NOD1: variants seen among roughly 807,000 people sequenced by gnomAD.
NOD1 encodes nucleotide-binding oligomerization domain-containing protein 1.
In NOD1, 70 loss-of-function variants were observed where a neutral mutation model predicts 81.2. The ratio of observed to expected loss-of-function variants is 0.86; its 90% CI spans 0.71 to 1.05. The LOEUF is 1.05. Ranked by LOEUF, NOD1 falls within the 50% of genes least tolerant of loss-of-function variation. NOD1 has a pLI of 0.00. For synonymous variants in NOD1, 508 were observed against 526.9 expected (o/e 0.96, Z 0.49); for missense variants, 1,233 against 1,228.0 (o/e 1.00, Z -0.06).
rs911809448 is a variant in NOD1 at position 30,467,675 on chromosome 7, GT to G, written c.-351-7635del. Among the ~76,000 whole-genome samples, 11 of 152,108 alleles carry G rather than the reference GT, an allele frequency of 7.2e-5. No homozygotes were observed. Among genetic ancestry groups the G allele is most frequent in the Admixed American group, 5.2e-4 (8 of 15,284 alleles). On this transcript the variant is annotated intron_variant, in intron 1 of 13. Transcript: ENST00000222823. This position sits in a 1 kb window ranked among gnomAD's most constrained non-coding sequence, Gnocchi z 4.5. ...TCTGATGGGATTGTGGGTGGGAACA[GT>G]TTTTTTTGTTGTTGTTGTTATTTTT... is the stretch of plus-strand genomic sequence containing the variant.
At chr7:30,455,411 G>C (rs557004761) in intron 4 of NOD1, 100 bp from the exon 5 acceptor site, 1 of 857,300 alleles carries the variant, frequency 1.2e-6, no homozygotes, top group Non-Finnish European at 1.8e-6. Context: ...TGAGTTCTTA[G>C]TACAGCCGGT....
intron 8 of NOD1, 122 bp from the exon 9 acceptor site, chr7:30,446,346 G>A (rs1208296066): frequency 3.9e-6 from 3 of 769,508 alleles, no homozygotes; most frequent in Non-Finnish European, 6.8e-6. Flanking sequence ...TTTCTTCTGG[G>A]ATCCACAAGA....
intron 13 of NOD1, 119 bp from the exon 14 acceptor site, chr7:30,425,829 G>T: frequency 1.3e-6 from 1 of 752,314 alleles, no homozygotes; most frequent in Non-Finnish European, 2.4e-6. Flanking sequence ...ATGTATCCCT[G>T]AAATTAAGGA....
chr7:30,451,111 A>G lies in NOD1; in HGVS notation c.2201+105T>C. The G allele has an allele frequency of 7.6e-7, 1 of 1,314,178 alleles. No individual in the cohort carries two copies. The highest frequency in any genetic ancestry group is 1.0e-6 in the Non-Finnish European group (1 of 970,550). 81.4% of individuals were successfully genotyped at this position (1,314,178 alleles called of 1,614,324 possible). On this transcript the variant is annotated intron_variant, in intron 6 of 13. Transcript: ENST00000222823. The surrounding 1 kb of genome is among the most constrained non-coding windows in gnomAD (Gnocchi z 4.2). Reference sequence around the variant, plus strand: ...AAAAGGTCTGGACATTCCAAGGGCCATGGTCATGAGTCCTGGGGGATCCTG... The same window carrying G: ...AAAAGGTCTGGACATTCCAAGGGCCGTGGTCATGAGTCCTGGGGGATCCTG...
At chr7:30,439,409 C>T (rs1159324289) in intron 9 of NOD1, among the ~76,000 whole-genome samples, 3 of 139,996 alleles carry the variant, frequency 2.1e-5, no homozygotes, top group East Asian at 2.1e-4. Context: ...GCACCGTGCG[C>T]GAGCCGAAGC....
At chr7:30,471,613 C>T (rs1788284172) in intron 1 of NOD1, among the ~76,000 whole-genome samples, 1 of 152,238 alleles carries the variant, frequency 6.6e-6, no homozygotes, top group Non-Finnish European at 1.5e-5. Flanking sequence ...GCTGGGAAGG[C>T]ACCCTCTTTG....
At chr7:30,446,426 AG>A in intron 8 of NOD1, 1 of 580,600 alleles carries the variant, frequency 1.7e-6, no homozygotes. Context: ...GTTCCTCTCC[AG>A]GAGATGGTCC....
At chr7:30,453,921 C>T (rs1320459210) in intron 5 of NOD1, among the ~76,000 whole-genome samples, 2 of 152,332 alleles carry the variant, frequency 1.3e-5, no homozygotes, top group Admixed American at 1.3e-4. Flanking sequence ...TGTGAGACTG[C>T]TTGTAGAGTG....
Position 30,452,231 on chromosome 7 carries a change from T to A in NOD1, c.1186A>T (p.Ile396Phe). The A allele has an allele frequency of 6.2e-7, 1 of 1,613,742 alleles. No individual in the cohort carries two copies. Among genetic ancestry groups the A allele is most frequent in the South Asian group, 1.1e-5 (1 of 91,082 alleles). The change falls in exon 6 of 14, where the codon ATC becomes TTC. Residue 396 changes from isoleucine (I) to phenylalanine (F), a missense_variant. Coordinates refer to ENST00000222823, the MANE Select transcript of NOD1 (RefSeq NM_006092.4). ...SLCSVPLFCW[I>F]IFRCFQHFRA... Reference sequence around the variant, plus strand: ...AAGTGCTGGAAGCACCGGAAGATGATCCAGCAGAAGAGGGGCACAGAGCAC... The same window carrying A: ...AAGTGCTGGAAGCACCGGAAGATGAACCAGCAGAAGAGGGGCACAGAGCAC...
At chr7:30,468,165 A>T (rs970633588) in intron 1 of NOD1, among the ~76,000 whole-genome samples, 2 of 152,230 alleles carry the variant, frequency 1.3e-5, no homozygotes, top group Non-Finnish European at 2.9e-5. Context: ...AAAATCCCAG[A>T]GCCACAAGAA....
chr7:30,431,755 C>T lies in NOD1; in HGVS notation c.2705+1341G>A, dbSNP rs188384694. Reference sequence around the variant, plus strand: ...TTAGGCAATCATTTCTTAGATAAGACACTGAAAGCACAAGCAACCAAAGAA... The same window carrying T: ...TTAGGCAATCATTTCTTAGATAAGATACTGAAAGCACAAGCAACCAAAGAA... On this transcript the variant is annotated intron_variant, in intron 12 of 13. Transcript: ENST00000222823. 3.0e-3 allele frequency among the ~76,000 whole-genome samples: 463 copies of T among 152,188 alleles called. 3 individuals carry two copies. The highest frequency in any genetic ancestry group is 0.011 in the African/African-American group (442 of 41,518).
At position 30,429,238 on chromosome 7, in the gene NOD1, A is replaced by T. The variant is rs570164606; in HGVS notation, c.2789+136T>A. ...TCTGGGCCTCTGTCTACCTCTGTAAAACAGAGGTAATACCATTACTGTGCA... is the reference window on the plus strand; with the variant it reads ...TCTGGGCCTCTGTCTACCTCTGTAATACAGAGGTAATACCATTACTGTGCA... On this transcript the variant is annotated intron_variant, in intron 13 of 13. Coordinates refer to ENST00000222823, the MANE Select transcript of NOD1 (RefSeq NM_006092.4). 8.8e-5 allele frequency: 68 copies of T among 770,450 alleles called. No homozygotes were observed. In the African/African-American group the frequency reaches 9.8e-4, roughly 11 times the overall value. The allele number at this position is 770,450 out of a possible 1,614,324, so 47.7% of individuals were successfully genotyped here.
intron 12 of NOD1, among the ~76,000 whole-genome samples, chr7:30,431,253 G>A (rs10267377): frequency 1.3e-5 from 2 of 152,134 alleles, no homozygotes; most frequent in East Asian, 3.9e-4. Flanking sequence ...GGCTAAAAAG[G>A]AAAGAAAAAA....
In NOD1 at chr7:30,437,562, G is replaced by C. The variant is rs752814478; in HGVS notation, c.2537+11C>G. 6.7e-6 allele frequency: 10 copies of C among 1,493,902 alleles called. No homozygotes were observed. The highest frequency in any genetic ancestry group is 2.0e-4 in the Middle Eastern group (1 of 5,030). The allele number at this position is 1,493,902 out of a possible 1,614,324, so 92.5% of individuals were successfully genotyped here. On this transcript the variant is annotated intron_variant, in intron 10 of 13. Coordinates refer to ENST00000222823, the MANE Select transcript of NOD1 (RefSeq NM_006092.4). Reference sequence around the variant, plus strand: ...CAGGTTGGCCCCTGGAGACAGCAGGGCCACAGTTACCTCAGGGTGGTCAAG... The same window carrying C: ...CAGGTTGGCCCCTGGAGACAGCAGGCCCACAGTTACCTCAGGGTGGTCAAG...
intron 1 of NOD1, among the ~76,000 whole-genome samples, chr7:30,465,220 C>T (rs764356980): frequency 2.6e-5 from 4 of 152,210 alleles, no homozygotes; most frequent in Non-Finnish European, 4.4e-5. Flanking sequence ...CCAGTTAGAG[C>T]TCCTCTCTCA....
At chr7:30,458,608 T>A (rs541616402) in intron 3 of NOD1, among the ~76,000 whole-genome samples, 1 of 151,942 alleles carries the variant, frequency 6.6e-6, no homozygotes, top group Admixed American at 6.6e-5. Context: ...ATCCAAATGA[T>A]AGAGCAGGAA....
rs554070905 is a variant in NOD1, at chr7:30,471,516, C to T, written c.-352+7090G>A. On this transcript the variant is annotated intron_variant, in intron 1 of 13. Transcript: ENST00000222823. ...GGAGGCTTTTCCTGTGACCTGAAAACACCCAATAAAGAATTTTGTTTTTAC... is the reference window on the plus strand; with the variant it reads ...GGAGGCTTTTCCTGTGACCTGAAAATACCCAATAAAGAATTTTGTTTTTAC... Among the ~76,000 whole-genome samples, 100 of 152,356 alleles carry T rather than the reference C, an allele frequency of 6.6e-4. 1 individual carries two copies. The highest frequency in any genetic ancestry group is 2.0e-3 in the African/African-American group (85 of 41,584).
At position 30,446,061 on chromosome 7, in the gene NOD1, G is replaced by A; in HGVS notation, c.2453+80C>T. ...GCCCCAGTGGTCCTTCTGGTGTACT[G>A]ATGTATGAAAAGAACAGCAAGGCCC... On this transcript the variant is annotated intron_variant, in intron 9 of 13. Coordinates refer to ENST00000222823, the MANE Select transcript of NOD1 (RefSeq NM_006092.4). 2.9e-6 allele frequency: 3 copies of A among 1,052,410 alleles called. No individual in the cohort carries two copies. The South Asian group carries it at 3.9e-5, about 14-fold the overall frequency. 65.2% of individuals were successfully genotyped at this position (1,052,410 alleles called of 1,614,324 possible). A position where few individuals can be genotyped will look rare whatever the true frequency, so the allele number is the denominator to read the frequency against.
rs190198174 is a variant in NOD1, at chr7:30,448,025, C to A, written c.2285+273G>T. The A allele has an allele frequency of 6.0e-4, 259 of 431,872 alleles. 1 individual carries two copies. The highest frequency in any genetic ancestry group is 9.9e-4 in the Non-Finnish European group (236 of 238,654). The allele number at this position is 431,872 out of a possible 1,614,324, so 26.8% of individuals were successfully genotyped here. A position where few individuals can be genotyped will look rare whatever the true frequency, so the allele number is the denominator to read the frequency against. ...ATTCTAGCATTTATTAAATATATCC[C>A]CTTATATTCTCGTTGCATCCCCCAA... is the stretch of plus-strand genomic sequence containing the variant. On this transcript the variant is annotated intron_variant, in intron 7 of 13. Coordinates refer to ENST00000222823, the MANE Select transcript of NOD1 (RefSeq NM_006092.4).
Sources: gnomAD v4.1 joint callset for allele counts (sites outside exome capture counted in the v4.1 genomes callset) on GRCh38, gnomAD v4.1.1 for gene constraint, Gnocchi (gnomAD v3.1) non-coding constraint, MANE v1.5 for transcripts, NCBI Gene and HGNC (gene_info 2026-07-23, HGNC 2026-07-21) for gene names.